Variants in NEDD4L observed in about 807,000 individuals in gnomAD.
The protein encoded by NEDD4L is E3 ubiquitin-protein ligase NEDD4-like.
A neutral mutation model predicts 148.9 loss-of-function variants in NEDD4L; 54 were observed. The ratio of observed to expected loss-of-function variants is 0.36; its 90% CI spans 0.29 to 0.45. The LOEUF is 0.45. Ranked by LOEUF, NEDD4L falls within the 20% of genes least tolerant of loss-of-function variation. The pLI is 1.00. For synonymous variants in NEDD4L, 433 were observed against 440.7 expected, an observed-to-expected ratio of 0.98 and a Z score of 0.22; for missense variants, 856 against 1,233.8, an observed-to-expected ratio of 0.69 and a Z score of 4.59.
intron 18 of NEDD4L, chr18:58,351,261 C>A: frequency 2.7e-6 from 2 of 753,770 alleles, no homozygotes; most frequent in Non-Finnish European, 3.2e-6. Flanking sequence ...CCAATCTGAT[C>A]TTGTGACCTA....
chr18:58,080,158 C>T (rs924272960), intron 1 of NEDD4L, among the ~76,000 whole-genome samples: 8 of 152,180 alleles, frequency 5.3e-5, no homozygotes, highest in Non-Finnish European at 1.0e-4. Context: ...CTCCTGGCCT[C>T]AAGCAGTCCT....
At chr18:58,203,109 A>G (rs113658218) in intron 2 of NEDD4L, among the ~76,000 whole-genome samples, 256 of 152,212 alleles carry the variant, frequency 1.7e-3, no homozygotes, top group African/African-American at 5.7e-3. Context: ...CTGGGACTAC[A>G]GGCACACACC....
intron 2 of NEDD4L, among the ~76,000 whole-genome samples, chr18:58,245,200 T>TTA (rs1600174992): frequency 6.6e-6 from 1 of 152,212 alleles, no homozygotes; most frequent in African/African-American, 2.4e-5. Context: ...GTCTTTAAAA[T>TTA]TATATATATT....
intron 9 of NEDD4L, among the ~76,000 whole-genome samples, chr18:58,326,773 G>A (rs2059347103): frequency 6.6e-6 from 1 of 152,212 alleles, no homozygotes; most frequent in Non-Finnish European, 1.5e-5. Context: ...TAAGGATCAT[G>A]CAGATTAGAG....
At chr18:58,176,367 G>A (rs1052551917) in intron 2 of NEDD4L, among the ~76,000 whole-genome samples, 1 of 151,984 alleles carries the variant, frequency 6.6e-6, no homozygotes, top group Non-Finnish European at 1.5e-5. Flanking sequence ...CAGGAGTCTT[G>A]CTCTGTTGCA....
chr18:58,176,838 G>T (rs565371836), intron 2 of NEDD4L, among the ~76,000 whole-genome samples: 1 of 152,232 alleles, frequency 6.6e-6, no homozygotes, highest in East Asian at 1.9e-4. Flanking sequence ...CTAGAATGAT[G>T]CTGGGGTCAC....
chr18:58,083,807 A>T (rs533963843), intron 1 of NEDD4L, among the ~76,000 whole-genome samples: 1 of 152,376 alleles, frequency 6.6e-6, no homozygotes, highest in East Asian at 1.9e-4. Context: ...CTGCCATAAA[A>T]TGGAGTGAAA....
At chr18:58,051,354 G>A (rs2081861316) in intron 1 of NEDD4L, among the ~76,000 whole-genome samples, 1 of 152,212 alleles carries the variant, frequency 6.6e-6, no homozygotes, top group Non-Finnish European at 1.5e-5. Context: ...GATGAATTGT[G>A]TTGTGTATGA....
Position 58,348,544 on chromosome 18 carries a change from G to T in NEDD4L, c.1576-993G>T, listed in dbSNP as rs551311044. The stretch of plus-strand genomic sequence containing the variant: ...GAGTTTCACCATGTTGGCCAGGCTG[G>T]TCTCAAACTCCTGACCTCCTCAGCC... On this transcript the variant is annotated intron_variant, in intron 16 of 30. Transcript: ENST00000400345. Among the ~76,000 whole-genome samples the T allele has an allele frequency of 3.9e-5, 6 of 151,986 alleles. No homozygotes were observed. The East Asian group carries it at 1.2e-3, about 29-fold the overall frequency.
chr18:58,341,859 C>G (rs1351867839), intron 15 of NEDD4L, 62 bp downstream of exon 15: 2 of 1,560,234 alleles, frequency 1.3e-6, no homozygotes, highest in Non-Finnish European at 1.7e-6. Flanking sequence ...TCTTTCTTCT[C>G]TCTTAACTCT....
chr18:58,223,640 T>G (rs1171019692), intron 2 of NEDD4L, among the ~76,000 whole-genome samples: 1 of 152,242 alleles, frequency 6.6e-6, no homozygotes, highest in Non-Finnish European at 1.5e-5. Flanking sequence ...TTCTTTCACC[T>G]TGATGGAAAT....
rs548481201 is a variant in NEDD4L, at chr18:58,180,917, A to G, written c.122+15056A>G. Among the ~76,000 whole-genome samples, 18 of 152,262 alleles carry G rather than the reference A, an allele frequency of 1.2e-4. No individual in the cohort carries two copies. In the South Asian group the frequency reaches 3.5e-3, roughly 30 times the overall value. ...TTCCTTCTCTGGTCTATCGAGGTGT[A>G]TTGGGGGGGTTACAGCACCCTCTGG... is the stretch of plus-strand genomic sequence containing the variant. On this transcript the variant is annotated intron_variant, in intron 2 of 30. Transcript: ENST00000400345.
intron 2 of NEDD4L, among the ~76,000 whole-genome samples, chr18:58,204,528 A>G (rs1568382496): frequency 6.6e-6 from 1 of 152,234 alleles, no homozygotes; most frequent in Non-Finnish European, 1.5e-5. Flanking sequence ...CTTACAGTCT[A>G]ATAGAAACCT....
chr18:58,334,192 T>C (rs1290959182), intron 12 of NEDD4L, among the ~76,000 whole-genome samples: 1 of 152,246 alleles, frequency 6.6e-6, no homozygotes, highest in Non-Finnish European at 1.5e-5. Flanking sequence ...TTTTACCTTA[T>C]TGAGTTACTA....
At chr18:58,139,819 A>G (rs61088244) in intron 1 of NEDD4L, among the ~76,000 whole-genome samples, 1 of 151,738 alleles carries the variant, frequency 6.6e-6, no homozygotes, top group South Asian at 2.1e-4. Context: ...CTAAAAGGGG[A>G]GGGTGGCTAC....
Position 58,366,258 on chromosome 18 carries a change from C to A in NEDD4L, c.2063+30C>A, listed in dbSNP as rs1460696142. On this transcript the variant is annotated intron_variant, in intron 21 of 30. Transcript: ENST00000400345. This position sits in a 1 kb window ranked among gnomAD's most constrained non-coding sequence, Gnocchi z 4.2. ...GTATATGGCCACACCCAGTGTGTGT[C>A]CCCCACTGAGACAGTTGTATGAATT... The A allele has an allele frequency of 2.1e-6, 3 of 1,427,036 alleles. No homozygotes were observed. Among genetic ancestry groups the A allele is most frequent in the African/African-American group, 2.8e-5 (2 of 70,372 alleles). 88.4% of individuals were successfully genotyped at this position (1,427,036 alleles called of 1,614,324 possible). A position where few individuals can be genotyped will look rare whatever the true frequency, so the allele number is the denominator to read the frequency against.
intron 8 of NEDD4L, among the ~76,000 whole-genome samples, chr18:58,323,891 C>A (rs1011167704): frequency 2.0e-5 from 3 of 152,140 alleles, no homozygotes; most frequent in African/African-American, 7.2e-5. Flanking sequence ...CCTATCGTAC[C>A]TTTTCAGCAC....
At chr18:58,129,571 G>A (rs1332926646) in intron 1 of NEDD4L, among the ~76,000 whole-genome samples, 1 of 152,192 alleles carries the variant, frequency 6.6e-6, no homozygotes, top group African/African-American at 2.4e-5. Context: ...TGCTGGTGGT[G>A]GGTGGGAGAT....
intron 15 of NEDD4L, 83 bp downstream of exon 15, chr18:58,341,880 T>G: frequency 6.8e-7 from 1 of 1,477,152 alleles, no homozygotes; most frequent in Non-Finnish European, 9.2e-7. Flanking sequence ...GCCTTCAGTT[T>G]CGCAGCCACC....
Sources: allele counts gnomAD v4.1 joint callset (sites outside exome capture counted in the v4.1 genomes callset), GRCh38; gene constraint gnomAD v4.1.1; non-coding constraint Gnocchi (gnomAD v3.1); transcripts MANE v1.5; gene names NCBI Gene and HGNC (gene_info 2026-07-23, HGNC 2026-07-21).